GPM6B: variants seen among roughly 807,000 people sequenced by gnomAD.
GPM6B encodes neuronal membrane glycoprotein M6-b.
Under a neutral mutation model 27.2 loss-of-function variants are expected in GPM6B, and 4 were observed. That is an observed-to-expected ratio of 0.15 (90% CI 0.07 to 0.34). The LOEUF (loss-of-function observed/expected upper bound fraction) is 0.34, where lower values mean the gene tolerates loss of function less well. GPM6B is among the 10% of genes least tolerant of loss of function. GPM6B has a pLI of 1.00. For synonymous variants in GPM6B, 124 were observed against 103.1 expected (o/e 1.20, Z -1.23); for missense variants, 183 against 261.9 (o/e 0.70, Z 2.08).
chrX:13,930,668 A>G (rs1172296162), intron 1 of GPM6B, among the ~76,000 whole-genome samples: 3 of 112,350 alleles, frequency 2.7e-5, no homozygotes, highest in Non-Finnish European at 5.6e-5. Flanking sequence ...TATAGATAAC[A>G]GGATTAAACA....
intron 2 of GPM6B, among the ~76,000 whole-genome samples, chrX:13,793,307 C>T (rs2048748603): frequency 9.0e-6 from 1 of 111,156 alleles, no homozygotes; most frequent in Non-Finnish European, 1.9e-5. Flanking sequence ...TTTGAGTTGT[C>T]CTGCCTTTCC....
At chrX:13,808,494 C>G (rs752790691) in intron 1 of GPM6B, among the ~76,000 whole-genome samples, 1 of 111,571 alleles carries the variant, frequency 9.0e-6, no homozygotes, top group African/African-American at 3.3e-5. Flanking sequence ...TAGGGGATTG[C>G]AAAGAAAAAT....
At chrX:13,920,687 A>G (rs1359271920) in intron 1 of GPM6B, among the ~76,000 whole-genome samples, 1 of 111,106 alleles carries the variant, frequency 9.0e-6, no homozygotes, top group Non-Finnish European at 1.9e-5. Flanking sequence ...GTCAGGAGAT[A>G]GAGACCATCC....
intron 1 of GPM6B, among the ~76,000 whole-genome samples, chrX:13,881,441 A>C (rs2050096743): frequency 9.1e-6 from 1 of 110,166 alleles, no homozygotes; most frequent in Non-Finnish European, 1.9e-5. Flanking sequence ...GGGCCCAGGA[A>C]ACTGAGGCTG....
At chrX:13,774,500 A>AT (rs765506554) in intron 7 of GPM6B, 1 of 1,206,381 alleles carries the variant, frequency 8.3e-7, no homozygotes, top group Non-Finnish European at 1.1e-6. Flanking sequence ...TGTCAGTGAT[A>AT]TTTCATGCTA....
intron 1 of GPM6B, among the ~76,000 whole-genome samples, chrX:13,871,373 C>CA (rs2049976736): frequency 1.8e-5 from 2 of 112,265 alleles, no homozygotes; most frequent in Admixed American, 1.9e-4. Flanking sequence ...CAAAACATGT[C>CA]AATGCCCAGG....
intron 4 of GPM6B, among the ~76,000 whole-genome samples, chrX:13,782,726 C>T (rs1252837653): frequency 2.0e-5 from 2 of 99,669 alleles, no homozygotes; most frequent in Non-Finnish European, 4.0e-5. Context: ...ACTGCCCTCC[C>T]CAGCCTTGGA....
rs1177674736 is a variant in GPM6B at position 13,771,042 on chromosome X, A to G, written c.*1839T>C. 4 of 112,824 alleles carry G rather than the reference A, an allele frequency of 3.5e-5. No homozygotes were observed. The highest frequency in any genetic ancestry group is 7.5e-5 in the Non-Finnish European group (4 of 53,266). 9.3% of individuals were successfully genotyped at this position (112,824 alleles called of 1,213,427 possible). A position where few individuals can be genotyped will look rare whatever the true frequency, so the allele number is the denominator to read the frequency against. On this transcript the variant is annotated 3_prime_UTR_variant, in exon 8 of 8. Coordinates refer to ENST00000316715, the MANE Select transcript of GPM6B (RefSeq NM_001001995.3). ...CATACACAAGTATTGACTATTATCT[A>G]CAAATATTTATTGTAACACTTGAAT...
chrX:13,922,905 G>A (rs1409758298), intron 1 of GPM6B, among the ~76,000 whole-genome samples: 1 of 112,250 alleles, frequency 8.9e-6, no homozygotes, highest in Non-Finnish European at 1.9e-5. Flanking sequence ...GCCGGGTGCG[G>A]TGGCTCACGC....
intron 1 of GPM6B, among the ~76,000 whole-genome samples, chrX:13,852,389 A>C (rs947368601): frequency 9.0e-6 from 1 of 111,483 alleles, no homozygotes; most frequent in Admixed American, 9.5e-5. Context: ...TTTCATTTTC[A>C]ATTAAAAAAA....
upstream of GPM6B, among the ~76,000 whole-genome samples, chrX:13,820,558 G>A: frequency 9.0e-6 from 1 of 110,947 alleles, no homozygotes; most frequent in East Asian, 2.8e-4. Flanking sequence ...GGCAGCCCTG[G>A]GAGTACAAGA....
intron 1 of GPM6B, among the ~76,000 whole-genome samples, chrX:13,827,436 G>A (rs1488499230): frequency 1.8e-5 from 2 of 109,421 alleles, no homozygotes; most frequent in Admixed American, 2.0e-4. Context: ...GTGTGACCAC[G>A]CCCAGCCCAT....
chrX:13,862,861 G>GA (rs777508386), intron 1 of GPM6B, among the ~76,000 whole-genome samples: 44 of 66,646 alleles, frequency 6.6e-4, no homozygotes, highest in African/African-American at 2.2e-3. Flanking sequence ...TAACTTTTGT[G>GA]ATTTTTTTTT....
intron 1 of GPM6B, among the ~76,000 whole-genome samples, chrX:13,901,437 T>A (rs1304697359): frequency 1.3e-4 from 14 of 104,345 alleles, no homozygotes; most frequent in South Asian, 4.4e-4. Flanking sequence ...TTTTTTTTTT[T>A]AAAAAAAAAG....
intron 1 of GPM6B, among the ~76,000 whole-genome samples, chrX:13,824,744 A>G (rs1191784070): frequency 8.9e-6 from 1 of 111,978 alleles, no homozygotes; most frequent in Non-Finnish European, 1.9e-5. Flanking sequence ...GATCCCTAAA[A>G]GGATAGTGAG....
intron 4 of GPM6B, among the ~76,000 whole-genome samples, chrX:13,780,495 A>G (rs2048496333): frequency 1.8e-5 from 2 of 112,320 alleles, no homozygotes; most frequent in South Asian, 7.5e-4. Flanking sequence ...TTGCCACAAG[A>G]AGCCCTCTCA....
intron 2 of GPM6B, among the ~76,000 whole-genome samples, chrX:13,787,886 C>T (rs1000245394): frequency 6.2e-5 from 7 of 112,482 alleles, no homozygotes; most frequent in Admixed American, 1.9e-4. Context: ...GCCTGCTTTC[C>T]TGGCTAACAA....
At chrX:13,883,750 A>G (rs896868966) in intron 1 of GPM6B, among the ~76,000 whole-genome samples, 1 of 109,409 alleles carries the variant, frequency 9.1e-6, no homozygotes, top group Admixed American at 9.7e-5. Flanking sequence ...AGTCCTAGCT[A>G]CTAAGGAGGA....
chrX:13,824,297 TTGTC>T lies in GPM6B; in HGVS notation c.-197-38493_-197-38490del, dbSNP rs758958813. Among the ~76,000 whole-genome samples the T allele has an allele frequency of 2.7e-5, 3 of 112,526 alleles. No individual in the cohort carries two copies. In the East Asian group the frequency reaches 8.4e-4, roughly 31 times the overall value. On this transcript the variant is annotated intron_variant, in intron 1 of 6. Transcript: ENST00000398361. ...AGAGCTATCTTTTCTTCCGTAAGCT[TTGTC>T]TGGCTATTGTGATATTCTATCAGCA... is the stretch of plus-strand genomic sequence containing the variant.
Sources: allele counts gnomAD v4.1 joint callset (sites outside exome capture counted in the v4.1 genomes callset), GRCh38; gene constraint gnomAD v4.1.1; transcripts MANE v1.5; gene names NCBI Gene and HGNC (gene_info 2026-07-23, HGNC 2026-07-21).